The following N4BP2 variants were observed in gnomAD, a reference collection of about 807,000 sequenced individuals.
N4BP2 encodes the protein NEDD4 binding protein 2, also known as NEDD4-binding protein 2.
Under a neutral mutation model 152.8 loss-of-function variants are expected in N4BP2, and 91 were observed. The observed-to-expected ratio is 0.60, with a 90% CI of 0.50 to 0.71. N4BP2 has a LOEUF of 0.71. Among genes scored for constraint, N4BP2 ranks in the 30% least tolerant of loss-of-function variants. The pLI is 0.00. For synonymous variants in N4BP2, 646 were observed against 705.3 expected (o/e 0.92, Z 1.33); for missense variants, 1,923 against 2,059.1 (o/e 0.93, Z 1.28).
At chr4:40,099,582 C>A (rs942064962) in intron 3 of N4BP2, among the ~76,000 whole-genome samples, 1 of 152,014 alleles carries the variant, frequency 6.6e-6, no homozygotes, top group Non-Finnish European at 1.5e-5. Flanking sequence ...AATAAAATTG[C>A]ATTTTTCCTA....
the N4BP2 span, among the ~76,000 whole-genome samples, chr4:40,178,013 C>T: frequency 6.6e-6 from 1 of 151,924 alleles, no homozygotes; most frequent in Non-Finnish European, 1.5e-5. Flanking sequence ...AACAAAAAAA[C>T]AGTAAGTAGA....
rs1395677820 is a variant in N4BP2, at chr4:40,142,732, G to A, written c.4845G>A (p.Glu1615=). 7 of 1,613,924 alleles carry A rather than the reference G, an allele frequency of 4.3e-6. No homozygotes were observed. The highest frequency in any genetic ancestry group is 1.1e-5 in the South Asian group (1 of 91,066). Residue 1615 remains glutamate (E), a synonymous_variant, in exon 15 of 18, where the codon GAG becomes GAA. Transcript: ENST00000261435. ...TPSELSFQDF[E]YPDYDDYRAE... is the part of the protein sequence containing the mutation. ...GTGAACTGTCTTTCCAGGACTTTGA[G>A]TACCCAGACTATGATGACTACAGAG...
chr4:40,089,781 C>T (rs1714354387), intron 2 of N4BP2, among the ~76,000 whole-genome samples: 1 of 152,154 alleles, frequency 6.6e-6, no homozygotes, highest in South Asian at 2.1e-4. Flanking sequence ...GTGTTTTTGC[C>T]TAGCCTTAGC....
Position 40,126,149 on chromosome 4 carries a change from G to A in N4BP2, c.4346G>A (p.Gly1449Glu), listed in dbSNP as rs1718385070. The part of the protein sequence containing the change: ...GKFMQDPSLV[G>E]HTGLDNPEQK... ...TACTTTGTAGATCCTTCCTTGGTTG[G>A]ACATACTGGGCTTGATAATCCTGAA... Residue 1449 changes from glycine (G) to glutamate (E), a missense_variant, in exon 12 of 18, where the codon GGA becomes GAA. Coordinates refer to ENST00000261435, the MANE Select transcript of N4BP2 (RefSeq NM_018177.6). The A allele has an allele frequency of 1.3e-6, 2 of 1,589,060 alleles. No individual in the cohort carries two copies. The highest frequency in any genetic ancestry group is 1.7e-6 in the Non-Finnish European group (2 of 1,171,348).
chr4:40,089,960 T>G (rs1391473752), intron 2 of N4BP2, among the ~76,000 whole-genome samples: 1 of 152,234 alleles, frequency 6.6e-6, no homozygotes. Flanking sequence ...AGGGTAAGCA[T>G]GAGACTTAGG....
chr4:40,174,895 TAA>T, the N4BP2 span, among the ~76,000 whole-genome samples: 22 of 133,422 alleles, frequency 1.6e-4, no homozygotes, highest in Non-Finnish European at 1.1e-4. Context: ...TTATTCAGCC[TAA>T]AAAAAAAAAA....
chr4:40,181,623 G>T, the N4BP2 span, among the ~76,000 whole-genome samples: 49 of 152,286 alleles, frequency 3.2e-4, no homozygotes, highest in African/African-American at 1.1e-3. Flanking sequence ...CAAGGTGGCT[G>T]CTCAAACTTA....
At chr4:40,183,337 A>ATTT in the N4BP2 span, among the ~76,000 whole-genome samples, 21 of 140,012 alleles carry the variant, frequency 1.5e-4, no homozygotes, top group East Asian at 1.5e-3. Flanking sequence ...TACTTTTTAC[A>ATTT]TTTTTTTTTT....
chr4:40,088,339 G>A (rs1714178706), intron 2 of N4BP2, among the ~76,000 whole-genome samples: 1 of 152,040 alleles, frequency 6.6e-6, no homozygotes, highest in East Asian at 1.9e-4. Flanking sequence ...TGTATATTTA[G>A]TTTCTTTAAG....
chr4:40,115,429 G>A (rs1035414180), intron 7 of N4BP2, among the ~76,000 whole-genome samples: 3 of 152,162 alleles, frequency 2.0e-5, no homozygotes, highest in Non-Finnish European at 2.9e-5. Flanking sequence ...CTGGGAGGTC[G>A]AGGCTGTGAT....
rs753628749 is a variant in N4BP2 at position 40,103,192 on chromosome 4, G to A, written c.1347G>A (p.Pro449=). The change falls in exon 4 of 18, where the codon CCG becomes CCA. Residue 449 remains proline (P), a synonymous_variant. Coordinates refer to ENST00000261435, the MANE Select transcript of N4BP2 (RefSeq NM_018177.6). ...GLVLVLLRGL[P]GSGKSFLART... ...TTCTTGTTCTTCTCAGAGGTCTTCC[G>A]GGATCTGGAAAATCTTTTTTGGCAA... 6 of 1,606,912 alleles carry A rather than the reference G, an allele frequency of 3.7e-6. No individual in the cohort carries two copies. The highest frequency in any genetic ancestry group is 5.1e-6 in the Non-Finnish European group (6 of 1,176,840).
At chr4:40,071,898 T>TTTTTTAATAAA (rs1712227529) in intron 1 of N4BP2, among the ~76,000 whole-genome samples, 1 of 151,796 alleles carries the variant, frequency 6.6e-6, no homozygotes, top group Non-Finnish European at 1.5e-5. Context: ...CATTTTTATT[T>TTTTTTAATAAA]TATTTTATTT....
chr4:40,140,700 A>G (rs958342225), intron 14 of N4BP2, among the ~76,000 whole-genome samples: 7 of 151,794 alleles, frequency 4.6e-5, no homozygotes, highest in South Asian at 2.1e-4. Context: ...ACAAGTGAAC[A>G]AAGGTCTCTG....
At chr4:40,086,046 A>G (rs1432342158) in intron 2 of N4BP2, among the ~76,000 whole-genome samples, 1 of 149,288 alleles carries the variant, frequency 6.7e-6, no homozygotes, top group Non-Finnish European at 1.5e-5. Flanking sequence ...GCTCACTGCA[A>G]CCTCTCTGCC....
intron 16 of N4BP2, among the ~76,000 whole-genome samples, chr4:40,146,319 T>C (rs1344134046): frequency 6.6e-6 from 1 of 152,186 alleles, no homozygotes; most frequent in African/African-American, 2.4e-5. Context: ...TTAACTACAC[T>C]GTCAGTCTTG....
chr4:40,134,898 TTC>T (rs1491035756), intron 13 of N4BP2, among the ~76,000 whole-genome samples: 11 of 84,990 alleles, frequency 1.3e-4, no homozygotes, highest in Non-Finnish European at 1.8e-4. Context: ...CCTTCCTTCC[TTC>T]CTTTCTCTCT....
rs138467723 is a variant in N4BP2, at chr4:40,066,450, C to T, written c.-211-7005C>T. ...TCTCTTGCCTCAGTCTCCCAAGTACCTGGGACTACAGGCATGTGCCACCAC... is the reference window on the plus strand; with the variant it reads ...TCTCTTGCCTCAGTCTCCCAAGTACTTGGGACTACAGGCATGTGCCACCAC... On this transcript the variant is annotated intron_variant, in intron 1 of 17. Coordinates refer to ENST00000261435, the MANE Select transcript of N4BP2 (RefSeq NM_018177.6). Among the ~76,000 whole-genome samples, 98 of 151,984 alleles carry T rather than the reference C, an allele frequency of 6.4e-4. 1 individual carries two copies. Among genetic ancestry groups the T allele is most frequent in the African/African-American group, 2.3e-3 (94 of 41,420 alleles).
At chr4:40,119,749 T>C (rs2109993279) in intron 8 of N4BP2, among the ~76,000 whole-genome samples, 183 bp from the exon 9 acceptor site, 1 of 152,326 alleles carries the variant, frequency 6.6e-6, no homozygotes. Context: ...GTTACAACAA[T>C]GTAATGTGTT....
chr4:40,167,987 G>C, the N4BP2 span, among the ~76,000 whole-genome samples: 1 of 151,770 alleles, frequency 6.6e-6, no homozygotes, highest in Non-Finnish European at 1.5e-5. Context: ...AGAGTAACTT[G>C]GTGGGGAAAT....
Sources: allele counts gnomAD v4.1 joint callset (sites outside exome capture counted in the v4.1 genomes callset), GRCh38; gene constraint gnomAD v4.1.1; transcripts MANE v1.5; gene names NCBI Gene and HGNC (gene_info 2026-07-23, HGNC 2026-07-21).